The following PHRF1 variants were observed in gnomAD, a reference collection of about 807,000 sequenced individuals.
PHRF1 encodes PHD and ring finger domains 1.
A neutral mutation model predicts 128.9 loss-of-function variants in PHRF1; 53 were observed. The observed-to-expected ratio is 0.41, with a 90% CI of 0.33 to 0.52. PHRF1 has a LOEUF of 0.52. PHRF1 is among the 20% of genes least tolerant of loss of function. The pLI, the probability that PHRF1 is intolerant of heterozygous loss-of-function variation, is 0.21. For synonymous variants in PHRF1, 1,178 were observed against 980.6 expected (o/e 1.20, Z -3.76); for missense variants, 2,503 against 2,284.5 (o/e 1.10, Z -1.95).
Position 608,054 on chromosome 11 carries a change from C to G in PHRF1, c.2598C>G (p.Asn866Lys). ...PSEITRTISI[N>K]SPKAQTVQAV... ...AGATCACACGAACCATCTCCATCAA[C>G]AGCCCGAAGGCCCAGACGGTGCAGG... Residue 866 changes from asparagine (N) to lysine (K), a missense_variant, in exon 14 of 18, where the codon AAC (asparagine) becomes AAG (lysine). Physicochemically the swap from Asn to Lys is moderately conservative, Grantham distance 94. Transcript: ENST00000264555. 1 of 1,611,534 alleles carries G rather than the reference C, an allele frequency of 6.2e-7. No individual in the cohort carries two copies. The highest frequency in any genetic ancestry group is 1.3e-5 in the African/African-American group (1 of 75,066).
chr11:598,392 G>C lies in PHRF1; in HGVS notation c.914G>C (p.Gly305Ala). ...CTGTAGCACACACCAGGGCGCCTCG[G>C]GTCTTCCCTGCTGGATGAAGCCATC... is the stretch of plus-strand genomic sequence containing the variant. Reference protein sequence around the residue: ...RRVQHTPGRLGSSLLDEAIEA... With the variant: ...RRVQHTPGRLASSLLDEAIEA... Residue 305 changes from glycine to alanine, a missense_variant, in exon 9 of 18, where the codon GGG becomes GCG. By Grantham distance (60) the Gly-to-Ala change is moderately conservative. Coordinates refer to ENST00000264555, the MANE Select transcript of PHRF1 (RefSeq NM_001286581.2). 3.1e-6 allele frequency: 5 copies of C among 1,610,244 alleles called. No homozygotes were observed. Among genetic ancestry groups the C allele is most frequent in the Non-Finnish European group, 4.2e-6 (5 of 1,179,792 alleles).
intron 1 of PHRF1, among the ~76,000 whole-genome samples, chr11:579,644 C>CA (rs1198296081): frequency 6.6e-6 from 1 of 152,194 alleles, no homozygotes; most frequent in African/African-American, 2.4e-5. Flanking sequence ...TTGCTGGGTC[C>CA]ACCAAGCACC....
chr11:610,866 A>C (rs1016067647), intron 16 of PHRF1, 88 bp from the exon 17 acceptor site: 1 of 1,584,714 alleles, frequency 6.3e-7, no homozygotes, highest in Non-Finnish European at 8.6e-7. Flanking sequence ...TGCCTCTGGA[A>C]CTGCAAGGGT....
At position 610,179 on chromosome 11, in the gene PHRF1, G is replaced by T. The variant is rs917842140; in HGVS notation, c.4265-17G>T. 104 of 1,488,092 alleles carry T rather than the reference G, an allele frequency of 7.0e-5. No individual in the cohort carries two copies. The highest frequency in any genetic ancestry group is 9.0e-5 in the Non-Finnish European group (100 of 1,114,118). The allele number at this position is 1,488,092 out of a possible 1,614,324, so 92.2% of individuals were successfully genotyped here. A position where few individuals can be genotyped will look rare whatever the true frequency, so the allele number is the denominator to read the frequency against. On this transcript the variant is annotated splice_polypyrimidine_tract_variant and intron_variant, in intron 14 of 17. Coordinates refer to ENST00000264555, the MANE Select transcript of PHRF1 (RefSeq NM_001286581.2). Reference sequence around the variant, plus strand: ...GTGGGCACAGAGCACCCACCTCCCTGTCTGTCGGGCCCCCAGGGGCACCAC... The same window carrying T: ...GTGGGCACAGAGCACCCACCTCCCTTTCTGTCGGGCCCCCAGGGGCACCAC...
intron 10 of PHRF1, among the ~76,000 whole-genome samples, chr11:603,216 C>G (rs188134283): frequency 6.6e-6 from 1 of 151,856 alleles, no homozygotes; most frequent in Non-Finnish European, 1.5e-5. Flanking sequence ...CCACCGTGCC[C>G]GGCTAGTTTT....
chr11:608,138 C>T lies in PHRF1; in HGVS notation c.2682C>T (p.Pro894=). ...VESIFGTEPE[P]PLGPSSAMSK... is the part of the protein sequence containing the mutation. The stretch of plus-strand genomic sequence containing the variant: ...GCATCTTTGGTACAGAGCCCGAACC[C>T]CCTCTCGGACCGTCCTCCGCCATGT... Residue 894 remains proline (P), a synonymous_variant, in exon 14 of 18, where the codon CCC becomes CCT. Transcript: ENST00000264555. 1.9e-6 allele frequency: 3 copies of T among 1,611,448 alleles called. No individual in the cohort carries two copies. The highest frequency in any genetic ancestry group is 1.1e-5 in the South Asian group (1 of 91,084).
At chr11:595,150 C>T (rs1015638144) in intron 6 of PHRF1, among the ~76,000 whole-genome samples, 4 of 152,152 alleles carry the variant, frequency 2.6e-5, no homozygotes, top group Admixed American at 6.5e-5. Context: ...TGGCGAAACC[C>T]CGTCTCTACT....
rs780561797 is a variant in PHRF1, at chr11:606,448, C to G, written c.1461C>G (p.Arg487=). 6.4e-7 allele frequency: 1 copy of G among 1,552,544 alleles called. No individual in the cohort carries two copies. ...RPVSVGLSRR[R]LPAAVPEPDL... ...CTTGGGTCTGTGCCCACAGGAGGCG[C>G]CTCCCTGCCGCGGTGCCAGAGCCAG... The change falls in exon 13 of 18, where the codon CGC becomes CGG. Residue 487 remains arginine, a synonymous_variant. Coordinates refer to ENST00000264555, the MANE Select transcript of PHRF1 (RefSeq NM_001286581.2).
intron 13 of PHRF1, chr11:606,850 CGT>C: frequency 1.1e-6 from 1 of 903,654 alleles, no homozygotes; most frequent in Non-Finnish European, 1.6e-6. Context: ...TGGTTAATAT[CGT>C]GTCCTGATGG....
intron 4 of PHRF1, among the ~76,000 whole-genome samples, chr11:589,839 A>G (rs878883712): frequency 2.0e-5 from 1 of 49,398 alleles, no homozygotes; most frequent in Non-Finnish European, 4.5e-5. Flanking sequence ...CCTGAGAGAG[A>G]GTCTGCAAAC....
chr11:598,654 C>T (rs576040761), intron 9 of PHRF1, among the ~76,000 whole-genome samples, 152 bp downstream of exon 9: 1 of 152,200 alleles, frequency 6.6e-6, no homozygotes, highest in African/African-American at 2.4e-5. Context: ...GAAGCCGCGC[C>T]GGGCCCGGGA....
Position 609,498 on chromosome 11 carries a change from A to G in PHRF1, c.4042A>G (p.Arg1348Gly). ...PEGTQEPHLLRPDAAEKAEAP... is the reference protein window; with the variant it reads ...PEGTQEPHLLGPDAAEKAEAP... ...GGGCACCCAGGAGCCACATTTGCTC[A>G]GGCCGGACGCGGCTGAGAAGGCTGA... The change falls in exon 14 of 18, where the codon AGG (arginine) becomes GGG (glycine). Residue 1348 changes from arginine (R) to glycine (G), a missense_variant. Transcript: ENST00000264555. 2 of 1,604,176 alleles carry G rather than the reference A, an allele frequency of 1.2e-6. No individual in the cohort carries two copies. The highest frequency in any genetic ancestry group is 1.7e-6 in the Non-Finnish European group (2 of 1,178,706).
In PHRF1 at chr11:610,595, A is replaced by G. The variant is rs1856310345; in HGVS notation, c.4511A>G (p.Gln1504Arg). The G allele has an allele frequency of 4.4e-6, 7 of 1,606,388 alleles. No individual in the cohort carries two copies. The highest frequency in any genetic ancestry group is 5.9e-6 in the Non-Finnish European group (7 of 1,179,762). The change falls in exon 16 of 18, where the codon CAG (glutamine) becomes CGG (arginine). Residue 1504 changes from glutamine (Q) to arginine (R), a missense_variant. Physicochemically the swap from Gln to Arg is conservative, Grantham distance 43. Coordinates refer to ENST00000264555, the MANE Select transcript of PHRF1 (RefSeq NM_001286581.2). ...VSQPTVQFIL[Q>R]GSLPLVGCGA... ...CAGCCCACGGTCCAGTTCATCCTTCAGGGGAGCCTGCCGCTAGTGGGCTGT... is the reference window on the plus strand; with the variant it reads ...CAGCCCACGGTCCAGTTCATCCTTCGGGGGAGCCTGCCGCTAGTGGGCTGT...
intron 1 of PHRF1, among the ~76,000 whole-genome samples, chr11:580,873 G>T (rs1226102566): frequency 6.6e-6 from 1 of 152,070 alleles, no homozygotes; most frequent in Admixed American, 6.6e-5. Context: ...ATTTTTAGTA[G>T]AGACGGGGTT....
Position 582,160 on chromosome 11 carries a change from G to T in PHRF1, c.214+79G>T, listed in dbSNP as rs544360865. The T allele has an allele frequency of 1.5e-4, 228 of 1,540,442 alleles. 2 individuals carry two copies. In the Admixed American group the frequency reaches 4.6e-3, roughly 31 times the overall value. On this transcript the variant is annotated intron_variant, in intron 3 of 17. Coordinates refer to ENST00000264555, the MANE Select transcript of PHRF1 (RefSeq NM_001286581.2). ...GACAGCCTTTTATAACACATCCTCC[G>T]TGAGAGTGCTGTCACCACAGCTGGC... is the stretch of plus-strand genomic sequence containing the variant.
At chr11:609,847 A>G in intron 14 of PHRF1, 127 bp downstream of exon 14, 1 of 633,648 alleles carries the variant, frequency 1.6e-6, no homozygotes, top group Non-Finnish European at 2.5e-6. Context: ...CCCCGTGAGT[A>G]GGGCCCTGGC....
In PHRF1 at chr11:597,826, C is replaced by T. The variant is rs1031714483; in HGVS notation, c.894+256C>T. The stretch of plus-strand genomic sequence containing the variant: ...AAGCCTGGCCCTGGCGGGGTGGGGG[C>T]TCTAGGAAACCCCCCTTGTTCCCCA... On this transcript the variant is annotated intron_variant, in intron 8 of 17. Coordinates refer to ENST00000264555, the MANE Select transcript of PHRF1 (RefSeq NM_001286581.2). The surrounding 1 kb of genome is among the most constrained non-coding windows in gnomAD (Gnocchi z 6.5). Among the ~76,000 whole-genome samples, 2 of 152,132 alleles carry T rather than the reference C, an allele frequency of 1.3e-5. No homozygotes were observed. Among genetic ancestry groups the T allele is most frequent in the African/African-American group, 4.8e-5 (2 of 41,424 alleles).
intron 4 of PHRF1, among the ~76,000 whole-genome samples, chr11:590,261 A>G (rs1564845801): frequency 6.6e-6 from 1 of 152,220 alleles, no homozygotes; most frequent in Non-Finnish European, 1.5e-5. Context: ...CTCAAAGGCC[A>G]TGTATTCCTG....
chr11:596,651 C>T (rs1191072847), intron 6 of PHRF1, among the ~76,000 whole-genome samples: 3 of 152,238 alleles, frequency 2.0e-5, no homozygotes, highest in Non-Finnish European at 2.9e-5. Context: ...CCCTTCCTGA[C>T]TTACAGACGG....
Sources: allele counts gnomAD v4.1 joint callset (sites outside exome capture counted in the v4.1 genomes callset), GRCh38; gene constraint gnomAD v4.1.1; non-coding constraint Gnocchi (gnomAD v3.1); transcripts MANE v1.5; gene names NCBI Gene and HGNC (gene_info 2026-07-23, HGNC 2026-07-21).